The following KIF20B variants were observed in gnomAD, a reference collection of about 807,000 sequenced individuals.
KIF20B encodes the protein kinesin family member 20B.
A neutral mutation model predicts 232.5 loss-of-function variants in KIF20B; 188 were observed. That is an observed-to-expected ratio of 0.81 (90% CI 0.72 to 0.91). The LOEUF is 0.91. Among genes scored for constraint, KIF20B ranks in the 40% least tolerant of loss-of-function variants. The pLI, the probability that KIF20B is intolerant of heterozygous loss-of-function variation, is 0.00. For missense variants in KIF20B, 2,154 were observed against 2,055.9 expected (o/e 1.05, Z -0.92); for synonymous variants, 712 against 683.0 (o/e 1.04, Z -0.66).
chr10:89,727,756 C>T, intron 16 of KIF20B, 100 bp from the exon 17 acceptor site: 3 of 1,033,526 alleles, frequency 2.9e-6, no homozygotes, highest in African/African-American at 3.3e-5. Context: ...TTGAATGTAA[C>T]AGTAAAGTGT....
rs758304541 is a variant in KIF20B, at chr10:89,714,998, C to T, written c.756C>T (p.Ser252=). The T allele has an allele frequency of 2.5e-6, 4 of 1,595,196 alleles. No homozygotes were observed. The African/African-American group carries it at 5.4e-5, about 22-fold the overall frequency. Residue 252 remains serine (S), a synonymous_variant, in exon 8 of 33, where the codon TCC becomes TCT. Coordinates refer to ENST00000371728, the MANE Select transcript of KIF20B (RefSeq NM_001284259.2). ...NSLNISEFEE[S]IKDYEQANLN... ...TGAATATCTCAGAGTTTGAAGAATC[C>T]ATAAAAGATTATGAACAAGCCAACT...
At chr10:89,708,145 G>A (rs1490780987) in intron 2 of KIF20B, among the ~76,000 whole-genome samples, 1 of 151,424 alleles carries the variant, frequency 6.6e-6, no homozygotes, top group South Asian at 2.1e-4. Flanking sequence ...TTCGGCTTAT[G>A]TCAAACTCAA....
intron 2 of KIF20B, among the ~76,000 whole-genome samples, chr10:89,707,507 ATT>A (rs71022580): frequency 0.014 from 1,965 of 142,172 alleles, 39 homozygotes; most frequent in African/African-American, 0.047. Context: ...TTTTCTTTCC[ATT>A]TTTTTTTTCC....
rs772599970 is a variant in KIF20B, at chr10:89,714,002, TAATGAA to T, written c.676-40_676-35del. 1.4e-4 allele frequency: 132 copies of T among 970,770 alleles called. No individual in the cohort carries two copies. In the African/African-American group the frequency reaches 2.0e-3, roughly 15 times the overall value. 60.1% of individuals were successfully genotyped at this position (970,770 alleles called of 1,614,324 possible). The stretch of plus-strand genomic sequence containing the variant: ...AATTAATATCTTGATTATTTAACCT[TAATGAA>T]AATGTTTTTTTAATTTTTTAAAACA... On this transcript the variant is annotated intron_variant, in intron 6 of 32. Transcript: ENST00000371728.
chr10:89,712,109 A>G (rs887575104), intron 6 of KIF20B, among the ~76,000 whole-genome samples: 1 of 151,754 alleles, frequency 6.6e-6, no homozygotes, highest in Non-Finnish European at 1.5e-5. Context: ...TTTATCTAGT[A>G]TTGTATGACT....
Position 89,738,622 on chromosome 10 carries a change from G to A in KIF20B, c.3776+5G>A, listed in dbSNP as rs1353432458. On this transcript the variant is annotated splice_donor_5th_base_variant and intron_variant, in intron 20 of 32. Coordinates refer to ENST00000371728, the MANE Select transcript of KIF20B (RefSeq NM_001284259.2). ...CAACAGGCAAGAAACAGAAAAGTAA[G>A]CTAAATGTTATTCAAAATATTTTAA... is the stretch of plus-strand genomic sequence containing the variant. 21 of 1,538,652 alleles carry A rather than the reference G, an allele frequency of 1.4e-5. No individual in the cohort carries two copies. The highest frequency in any genetic ancestry group is 1.7e-5 in the Non-Finnish European group (20 of 1,150,276).
Position 89,738,049 on chromosome 10 carries a change from G to C in KIF20B, c.3208G>C (p.Ala1070Pro), listed in dbSNP as rs138228331. 9.9e-6 allele frequency: 16 copies of C among 1,613,110 alleles called. No individual in the cohort carries two copies. Among genetic ancestry groups the C allele is most frequent in the East Asian group, 8.9e-5 (4 of 44,814 alleles). ...GGAAGAATGTAAAGAGATTGTGAAG[G>C]CCTCTTCCAAAAAAAGTCATCAGAT... ...IWEECKEIVK[A>P]SSKKSHQIEE... The change falls in exon 20 of 33, where the codon GCC (alanine) becomes CCC (proline). Residue 1070 changes from alanine to proline, a missense_variant. By Grantham distance (27) the Ala-to-Pro change is conservative. Transcript: ENST00000371728.
intron 13 of KIF20B, among the ~76,000 whole-genome samples, chr10:89,720,684 T>A (rs914164278): frequency 6.6e-6 from 1 of 152,112 alleles, no homozygotes; most frequent in Non-Finnish European, 1.5e-5. Context: ...TTTTAGCTTC[T>A]GTCCAATTAT....
intron 31 of KIF20B, among the ~76,000 whole-genome samples, chr10:89,770,818 C>G (rs1411771790): frequency 6.6e-6 from 1 of 151,986 alleles, no homozygotes; most frequent in Non-Finnish European, 1.5e-5. Context: ...GCTTGCCCCT[C>G]TTGTCATCTC....
chr10:89,723,795 A>T, intron 13 of KIF20B, 169 bp from the exon 14 acceptor site: 1 of 614,616 alleles, frequency 1.6e-6, no homozygotes, highest in Non-Finnish European at 2.3e-6. Context: ...TTTTTCAGTT[A>T]ACAAATCTTT....
chr10:89,741,063 T>G (rs892147935), intron 21 of KIF20B, among the ~76,000 whole-genome samples: 5 of 152,312 alleles, frequency 3.3e-5, no homozygotes, highest in African/African-American at 1.2e-4. Context: ...AATTATACAA[T>G]TCACCATAAT....
intron 31 of KIF20B, among the ~76,000 whole-genome samples, chr10:89,770,761 C>A (rs1842446196): frequency 6.6e-6 from 1 of 152,000 alleles, no homozygotes; most frequent in African/African-American, 2.4e-5. Context: ...AATTCTGCTG[C>A]TCTGATAACC....
chr10:89,754,809 C>G, intron 26 of KIF20B, 136 bp downstream of exon 26: 1 of 545,996 alleles, frequency 1.8e-6, no homozygotes. Flanking sequence ...TATAAGATAA[C>G]TTCTGAGCCA....
Position 89,717,432 on chromosome 10 carries a change from T to C in KIF20B, c.1061T>C (p.Ile354Thr), listed in dbSNP as rs535558600. ...TGATCTTTGTATTTCAGTCACAGCA[T>C]ATTCACTGTTAAAATATTACAGATT... is the stretch of plus-strand genomic sequence containing the variant. ...LNNASSRSHS[I>T]FTVKILQIED... Residue 354 changes from isoleucine (I) to threonine (T), a missense_variant, in exon 10 of 33, where the codon ATA (isoleucine) becomes ACA (threonine). Coordinates refer to ENST00000371728, the MANE Select transcript of KIF20B (RefSeq NM_001284259.2). 6.3e-7 allele frequency: 1 copy of C among 1,576,000 alleles called. No individual in the cohort carries two copies. Among genetic ancestry groups the C allele is most frequent in the South Asian group, 1.1e-5 (1 of 88,990 alleles).
At chr10:89,751,182 T>C (rs1842014508) in intron 23 of KIF20B, among the ~76,000 whole-genome samples, 164 bp from the exon 24 acceptor site, 1 of 152,104 alleles carries the variant, frequency 6.6e-6, no homozygotes, top group Non-Finnish European at 1.5e-5. Context: ...CCAGTACTGT[T>C]GTAGACATTG....
chr10:89,753,671 A>C (rs1337642490), intron 25 of KIF20B, among the ~76,000 whole-genome samples: 1 of 152,106 alleles, frequency 6.6e-6, no homozygotes, highest in Non-Finnish European at 1.5e-5. Flanking sequence ...GCCAGGCTGG[A>C]GTGCAGTGAC....
At position 89,739,061 on chromosome 10, in the gene KIF20B, G is replaced by A; in HGVS notation, c.3880G>A (p.Asp1294Asn). The change falls in exon 21 of 33, where the codon GAT (aspartate) becomes AAT (asparagine). Residue 1294 changes from aspartate (D) to asparagine (N), a missense_variant. By Grantham distance (23) the Asp-to-Asn change is conservative. Transcript: ENST00000371728. ...DYADLKEKLT[D>N]AKKQIKQVQK... ...TGCTGACCTGAAAGAGAAACTGACTGATGCCAAAAAGCAGATTAAGCAAGT... is the reference window on the plus strand; with the variant it reads ...TGCTGACCTGAAAGAGAAACTGACTAATGCCAAAAAGCAGATTAAGCAAGT... 1 of 1,613,110 alleles carries A rather than the reference G, an allele frequency of 6.2e-7. No individual in the cohort carries two copies. The highest frequency in any genetic ancestry group is 8.5e-7 in the Non-Finnish European group (1 of 1,179,532).
intron 28 of KIF20B, among the ~76,000 whole-genome samples, chr10:89,762,247 C>T (rs1317551903): frequency 6.6e-6 from 1 of 152,156 alleles, no homozygotes; most frequent in African/African-American, 2.4e-5. Context: ...TGAGAGACTC[C>T]ATCTCTCAAT....
chr10:89,771,296 T>C (rs1842455290), intron 31 of KIF20B, among the ~76,000 whole-genome samples: 1 of 135,854 alleles, frequency 7.4e-6, no homozygotes, highest in South Asian at 2.6e-4. Context: ...TACACTAGAA[T>C]ATAATCTGCA....
Sources: allele counts gnomAD v4.1 joint callset (sites outside exome capture counted in the v4.1 genomes callset), GRCh38; gene constraint gnomAD v4.1.1; transcripts MANE v1.5; gene names NCBI Gene and HGNC (gene_info 2026-07-23, HGNC 2026-07-21).